Variants in LACTBL1 observed in about 807,000 individuals in gnomAD.
LACTBL1 encodes the protein beta-lactamase-like protein 1.
A neutral mutation model predicts 39.6 loss-of-function variants in LACTBL1; 29 were observed. The observed-to-expected ratio is 0.73, with a 90% CI of 0.55 to 1.00. LACTBL1 has a LOEUF of 1.00. LACTBL1 is among the 50% of genes least tolerant of loss of function. LACTBL1 has a pLI of 0.00. For missense variants in LACTBL1, 711 were observed against 748.5 expected (o/e 0.95, Z 0.59); for synonymous variants, 361 against 360.7 (o/e 1.00, Z -0.01).
rs549586366 is a variant in LACTBL1 at position 22,955,542 on chromosome 1, T to G, written c.554-116A>C. On this transcript the variant is annotated intron_variant, in intron 4 of 5. Transcript: ENST00000426928. ...TGAGAGATAACAACAACAAATCAGT[T>G]TTTTAAAAAAGAAAATCAGCCTAGC... is the stretch of plus-strand genomic sequence containing the variant. 208 of 676,120 alleles carry G rather than the reference T, an allele frequency of 3.1e-4. No homozygotes were observed. In the African/African-American group the frequency reaches 3.4e-3, roughly 11 times the overall value. 41.9% of individuals were successfully genotyped at this position (676,120 alleles called of 1,614,324 possible).
rs1004087651 is a variant in LACTBL1 at position 22,953,820 on chromosome 1, G to A, written c.864C>T (p.Asp288=). Reference sequence around the variant, plus strand: ...GGCCCGACGGCCGGTACCAGCCCAGGTCATAGAGTGGCGCCGGCCGCCCGC... The same window carrying A: ...GGCCCGACGGCCGGTACCAGCCCAGATCATAGAGTGGCGCCGGCCGCCCGC... The change falls in exon 6 of 6, where the codon GAC becomes GAT. Residue 288 remains aspartate, a synonymous_variant. Transcript: ENST00000426928. 2.6e-6 allele frequency: 4 copies of A among 1,547,548 alleles called. No homozygotes were observed. The African/African-American group carries it at 5.5e-5, about 21-fold the overall frequency.
intron 2 of LACTBL1, among the ~76,000 whole-genome samples, chr1:22,960,617 CAAA>C (rs35006759): frequency 2.6e-5 from 1 of 37,990 alleles, no homozygotes; most frequent in Non-Finnish European, 4.9e-5. Context: ...AACTCCGTCT[CAAA>C]AAAAAAAAAA....
chr1:22,954,821 G>A (rs1640744872), intron 5 of LACTBL1, among the ~76,000 whole-genome samples: 1 of 152,182 alleles, frequency 6.6e-6, no homozygotes, highest in African/African-American at 2.4e-5. Context: ...CTGACCAGCG[G>A]CTCAGAAGGG....
Position 22,953,814 on chromosome 1 carries a change from GC to G in LACTBL1, c.869del (p.Gly290AlafsTer149). The G allele has an allele frequency of 6.5e-7, 1 of 1,547,370 alleles. No individual in the cohort carries two copies. Among genetic ancestry groups the G allele is most frequent in the Non-Finnish European group, 8.7e-7 (1 of 1,145,512 alleles). ...ACATCTGGCCCGACGGCCGGTACCA[GC>G]CCAGGTCATAGAGTGGCGCCGGCCG... On this transcript the variant is annotated frameshift_variant, in exon 6 of 6. Transcript: ENST00000426928. LOFTEE classifies it high-confidence loss of function.
intron 4 of LACTBL1, among the ~76,000 whole-genome samples, chr1:22,958,187 G>T (rs1389306608): frequency 6.6e-6 from 1 of 152,150 alleles, no homozygotes; most frequent in East Asian, 1.9e-4. Flanking sequence ...CTGGGCTCAA[G>T]TGATCCTCCC....
At chr1:22,956,913 C>T (rs1362124612) in intron 4 of LACTBL1, among the ~76,000 whole-genome samples, 1 of 151,998 alleles carries the variant, frequency 6.6e-6, no homozygotes, top group African/African-American at 2.4e-5. Flanking sequence ...TTTCGTCTTA[C>T]CCTTCTCCCT....
upstream of LACTBL1, among the ~76,000 whole-genome samples, chr1:22,968,856 G>A (rs1449624703): frequency 1.3e-5 from 2 of 152,160 alleles, no homozygotes; most frequent in Non-Finnish European, 2.9e-5. Flanking sequence ...CTGACACATT[G>A]TAAGCCCTGT....
At chr1:22,955,178 T>G in intron 5 of LACTBL1, 143 bp downstream of exon 7, 1 of 617,958 alleles carries the variant, frequency 1.6e-6, no homozygotes, top group Admixed American at 2.8e-5. Context: ...CTCCCCTCTC[T>G]AGGTCTTGCC....
upstream of LACTBL1, among the ~76,000 whole-genome samples, chr1:22,968,851 A>G (rs1640910112): frequency 6.6e-6 from 1 of 152,214 alleles, no homozygotes; most frequent in African/African-American, 2.4e-5. Context: ...ATTGTCTGAC[A>G]CATTGTAAGC....
chr1:22,958,275 G>A (rs1640782266), intron 4 of LACTBL1, among the ~76,000 whole-genome samples: 2 of 151,740 alleles, frequency 1.3e-5, no homozygotes, highest in Admixed American at 6.6e-5. Flanking sequence ...TTTAGAGACG[G>A]GGTCTTACTA....
chr1:22,966,347 A>G (rs1165687784), upstream of LACTBL1, among the ~76,000 whole-genome samples: 1 of 152,136 alleles, frequency 6.6e-6, no homozygotes, highest in Non-Finnish European at 1.5e-5. Flanking sequence ...TTAACCAAAT[A>G]CATTGCATTA....
chr1:22,971,268 G>T, the LACTBL1 span, among the ~76,000 whole-genome samples: 1 of 152,050 alleles, frequency 6.6e-6, no homozygotes, highest in African/African-American at 2.4e-5. Flanking sequence ...CCAATTTGTA[G>T]CCCTCCTCTG....
At chr1:22,959,418 G>C (rs564251148) in intron 3 of LACTBL1, among the ~76,000 whole-genome samples, 172 of 152,346 alleles carry the variant, frequency 1.1e-3, no homozygotes, top group African/African-American at 3.9e-3. Context: ...CAATTTAAAT[G>C]CAATTCCCTC....
chr1:22,953,626 G>T (rs1570496904), exon 6 of LACTBL1: 2 of 1,266,060 alleles, frequency 1.6e-6, no homozygotes, highest in Admixed American at 4.2e-5. Context: ...GCCCCGCTGC[G>T]CGTGGAACTC....
At chr1:22,956,315 G>A (rs1043667767) in intron 4 of LACTBL1, among the ~76,000 whole-genome samples, 2 of 151,842 alleles carry the variant, frequency 1.3e-5, no homozygotes, top group African/African-American at 4.8e-5. Flanking sequence ...AGGTTGCAGT[G>A]GGCCATATTC....
At chr1:22,964,596 A>G (rs1355502454) in intron 1 of LACTBL1, among the ~76,000 whole-genome samples, 1 of 152,234 alleles carries the variant, frequency 6.6e-6, no homozygotes, top group Admixed American at 6.5e-5. Context: ...TTTGTTACTT[A>G]ACAATAGATA....
At chr1:22,963,179 C>T in exon 2 of LACTBL1, 1 of 1,334,092 alleles carries the variant, frequency 7.5e-7, no homozygotes, top group African/African-American at 1.5e-5. Flanking sequence ...GGGGACACAT[C>T]CTCACAGGGG....
chr1:22,960,785 T>A (rs1640814019), intron 2 of LACTBL1, among the ~76,000 whole-genome samples: 1 of 151,812 alleles, frequency 6.6e-6, no homozygotes, highest in Non-Finnish European at 1.5e-5. Context: ...TATTTATTTA[T>A]TTTATTTGTT....
At chr1:22,960,242 C>A in intron 2 of LACTBL1, 143 bp from the exon 5 acceptor site, 1 of 896,338 alleles carries the variant, frequency 1.1e-6, no homozygotes, top group Non-Finnish European at 1.7e-6. Flanking sequence ...GGCTGGGGCC[C>A]CCACTGTTGG....
Sources: gnomAD v4.1 joint callset for allele counts (sites outside exome capture counted in the v4.1 genomes callset) on GRCh38, gnomAD v4.1.1 for gene constraint, MANE v1.5 for transcripts, NCBI Gene and HGNC (gene_info 2026-07-23, HGNC 2026-07-21) for gene names.